ZNF484: variants seen among roughly 807,000 people sequenced by gnomAD.
ZNF484 encodes the protein zinc finger protein 484, also known as KRAB box containing C2H2 type zinc finger bA526D8.4.
ZNF484 carries 11 observed loss-of-function variants against 12.9 expected under a neutral mutation model. The observed-to-expected ratio is 0.85, with a 90% confidence interval of 0.54 to 1.41. The LOEUF (loss-of-function observed/expected upper bound fraction) is 1.41. Ranked by LOEUF, ZNF484 falls within the 40% of genes most tolerant of loss-of-function variation. ZNF484 has a pLI of 0.00. For missense variants in ZNF484, 807 were observed against 1,007.7 expected (o/e 0.80, Z 2.70); for synonymous variants, 289 against 334.1 (o/e 0.86, Z 1.47).
chr9:92,865,042 AAG>A (rs376487576), intron 2 of ZNF484, among the ~76,000 whole-genome samples: 6 of 150,414 alleles, frequency 4.0e-5, no homozygotes, highest in East Asian at 1.9e-4. Context: ...GAGAGAGAGA[AAG>A]AGAGAGAGAG....
chr9:92,848,954 T>A lies in ZNF484; in HGVS notation c.236-403A>T, dbSNP rs570428324. Among the ~76,000 whole-genome samples the A allele has an allele frequency of 1.1e-4, 15 of 135,576 alleles. No homozygotes were observed. Among genetic ancestry groups the A allele is most frequent in the South Asian group, 2.4e-4 (1 of 4,126 alleles). 88.9% of individuals were successfully genotyped at this position (135,576 alleles called of 152,430 possible). A position where few individuals can be genotyped will look rare whatever the true frequency, so the allele number is the denominator to read the frequency against. On this transcript the variant is annotated intron_variant, in intron 4 of 4. Transcript: ENST00000375495. This position sits in a 1 kb window ranked among gnomAD's most constrained non-coding sequence, Gnocchi z 4.1. ...ATAAATAAATAAATAAATAAATAAA[T>A]AAAAATACAATAGACCTTTGATTCA...
rs1448436279 is a variant in ZNF484 at position 92,844,428 on chromosome 9, C to G, written c.*1800G>C. ...ACACGTACACGCACACGTGCACACA[C>G]ACACCCCAAAACCACTAAACCACAG... On this transcript the variant is annotated 3_prime_UTR_variant, in exon 5 of 5. Transcript: ENST00000375495. Among the ~76,000 whole-genome samples, 1 of 152,172 alleles carries G rather than the reference C, an allele frequency of 6.6e-6. No individual in the cohort carries two copies. Among genetic ancestry groups the G allele is most frequent in the Non-Finnish European group, 1.5e-5 (1 of 68,030 alleles).
chr9:92,857,029 T>C (rs1411835212), intron 2 of ZNF484, among the ~76,000 whole-genome samples: 1 of 152,188 alleles, frequency 6.6e-6, no homozygotes, highest in Non-Finnish European at 1.5e-5. Context: ...CAGCCTAATA[T>C]GGTACACTTT....
intron 2 of ZNF484, among the ~76,000 whole-genome samples, chr9:92,874,452 C>T (rs1222745332): frequency 6.6e-6 from 1 of 151,998 alleles, no homozygotes; most frequent in African/African-American, 2.4e-5. Context: ...GCTGGGATTA[C>T]AGGCGCCCGC....
In ZNF484 at chr9:92,844,363, T is replaced by G. The variant is rs1855473693; in HGVS notation, c.*1865A>C. Among the ~76,000 whole-genome samples the G allele has an allele frequency of 6.6e-6, 1 of 152,146 alleles. No homozygotes were observed. The highest frequency in any genetic ancestry group is 2.1e-4 in the South Asian group (1 of 4,824). On this transcript the variant is annotated 3_prime_UTR_variant, in exon 5 of 5. Transcript: ENST00000375495. ...GAATGAGGCAGATGCATAATTTGAATAGATAATAGCTAGGAATTTCCCCAA... is the reference window on the plus strand; with the variant it reads ...GAATGAGGCAGATGCATAATTTGAAGAGATAATAGCTAGGAATTTCCCCAA...
At chr9:92,875,947 C>T (rs998943755) in intron 1 of ZNF484, among the ~76,000 whole-genome samples, 2 of 152,108 alleles carry the variant, frequency 1.3e-5, no homozygotes, top group African/African-American at 2.4e-5. Flanking sequence ...TAAATGATGT[C>T]GGAAATAGCA....
At chr9:92,854,590 G>A (rs1205579086) in intron 4 of ZNF484, among the ~76,000 whole-genome samples, 10 of 152,196 alleles carry the variant, frequency 6.6e-5, no homozygotes, top group East Asian at 3.9e-4. Flanking sequence ...AGTGGCGGGC[G>A]CCTGTAGTCC....
At chr9:92,870,811 G>T (rs1360046129) in intron 2 of ZNF484, among the ~76,000 whole-genome samples, 2 of 152,156 alleles carry the variant, frequency 1.3e-5, no homozygotes, top group Admixed American at 1.3e-4. Context: ...GTCACCAGAG[G>T]TCTACTGGGG....
At chr9:92,857,829 C>T (rs774854146) in intron 2 of ZNF484, among the ~76,000 whole-genome samples, 3 of 152,118 alleles carry the variant, frequency 2.0e-5, no homozygotes, top group Non-Finnish European at 4.4e-5. Flanking sequence ...GGCACAAACA[C>T]GACTCACTGC....
intron 2 of ZNF484, among the ~76,000 whole-genome samples, chr9:92,856,566 A>T (rs1479471576): frequency 6.6e-6 from 1 of 152,228 alleles, no homozygotes; most frequent in African/African-American, 2.4e-5. Flanking sequence ...ATATTTAACA[A>T]GCACATGTAA....
rs1271871661 is a variant in ZNF484, at chr9:92,856,012, G to A, written c.143-109C>T. 301 of 1,405,956 alleles carry A rather than the reference G, an allele frequency of 2.1e-4. 4 individuals are homozygous for A. The South Asian group carries it at 2.4e-3, about 11-fold the overall frequency. The allele number at this position is 1,405,956 out of a possible 1,614,324, so 87.1% of individuals were successfully genotyped here. A position where few individuals can be genotyped will look rare whatever the true frequency, so the allele number is the denominator to read the frequency against. On this transcript the variant is annotated intron_variant, in intron 3 of 4. Coordinates refer to ENST00000375495, the MANE Select transcript of ZNF484 (RefSeq NM_031486.4). ...GAACAGAGGAATATTCACACTACCC[G>A]AAAGAGATTATTAAGAACATGGGAC... is the stretch of plus-strand genomic sequence containing the variant.
chr9:92,850,479 C>T (rs925729150), intron 4 of ZNF484, among the ~76,000 whole-genome samples: 1 of 152,108 alleles, frequency 6.6e-6, no homozygotes, highest in African/African-American at 2.4e-5. Flanking sequence ...CTTAGTCATC[C>T]TAACTTGGCC....
At chr9:92,859,026 T>C (rs1018461283) in intron 2 of ZNF484, among the ~76,000 whole-genome samples, 3 of 152,078 alleles carry the variant, frequency 2.0e-5, no homozygotes, top group Non-Finnish European at 4.4e-5. Flanking sequence ...CTCAGGAGGC[T>C]GAGGCAGGAG....
At chr9:92,853,304 G>A (rs1856222830) in intron 4 of ZNF484, among the ~76,000 whole-genome samples, 1 of 152,162 alleles carries the variant, frequency 6.6e-6, no homozygotes, top group Non-Finnish European at 1.5e-5. Context: ...CTGAGAAGAT[G>A]GATTAGAGGG....
intron 4 of ZNF484, among the ~76,000 whole-genome samples, chr9:92,849,302 G>A (rs1226140440): frequency 1.3e-5 from 2 of 151,676 alleles, no homozygotes; most frequent in African/African-American, 4.8e-5. Context: ...ACAGAGATAT[G>A]AGAGAGACTA....
intron 2 of ZNF484, among the ~76,000 whole-genome samples, chr9:92,873,545 T>G (rs1857589629): frequency 6.6e-6 from 1 of 152,126 alleles, no homozygotes; most frequent in African/African-American, 2.4e-5. Flanking sequence ...AAAAGAAATC[T>G]CTAGGCCCAG....
At chr9:92,872,523 A>T in intron 2 of ZNF484, among the ~76,000 whole-genome samples, 1 of 148,578 alleles carries the variant, frequency 6.7e-6, no homozygotes, top group East Asian at 2.0e-4. Context: ...GTTAAAGGAG[A>T]GGCAATAAAA....
Position 92,848,188 on chromosome 9 carries a change from T to C in ZNF484, c.599A>G (p.Asn200Ser), listed in dbSNP as rs1464658309. ...ACCATCTCCAATAGTCTTATCAGAA[T>C]TTTCTGTTGCATTGTTTCTATTATA... Reference protein sequence around the residue: ...TLYNRNNATENSDKTIGDGDI... With the variant: ...TLYNRNNATESSDKTIGDGDI... Residue 200 changes from asparagine (N) to serine (S), a missense_variant, in exon 5 of 5, where the codon AAT (asparagine) becomes AGT (serine). Transcript: ENST00000375495. This position sits in a 1 kb window ranked among gnomAD's most constrained non-coding sequence, Gnocchi z 4.1. 6.2e-7 allele frequency: 1 copy of C among 1,614,056 alleles called. No individual in the cohort carries two copies. Among genetic ancestry groups the C allele is most frequent in the Non-Finnish European group, 8.5e-7 (1 of 1,180,026 alleles).
In ZNF484 at chr9:92,857,758, AT is replaced by A. The variant is rs560891538; in HGVS notation, c.16-1441del. ...AAAGATGAATCCTCTGTGGAGAAAGATTTTTTTTTTCTTTTCTTCTGAGACA... is the reference window on the plus strand; with the variant it reads ...AAAGATGAATCCTCTGTGGAGAAAGATTTTTTTTTCTTTTCTTCTGAGACA... On this transcript the variant is annotated intron_variant, in intron 2 of 4. Transcript: ENST00000375495. Among the ~76,000 whole-genome samples the A allele has an allele frequency of 1.9e-4, 29 of 150,640 alleles. No individual in the cohort carries two copies. The East Asian group carries it at 1.9e-3, about 10-fold the overall frequency.
Sources: allele counts gnomAD v4.1 joint callset (sites outside exome capture counted in the v4.1 genomes callset), GRCh38; gene constraint gnomAD v4.1.1; non-coding constraint Gnocchi (gnomAD v3.1); transcripts MANE v1.5; gene names NCBI Gene and HGNC (gene_info 2026-07-23, HGNC 2026-07-21).